The following VPS39 variants were observed in gnomAD, a reference collection of about 807,000 sequenced individuals.
VPS39 encodes the protein VPS39 subunit of HOPS complex.
A neutral mutation model predicts 121.0 loss-of-function variants in VPS39; 70 were observed. That is an observed-to-expected ratio of 0.58 (90% CI 0.48 to 0.71). The LOEUF (loss-of-function observed/expected upper bound fraction) is 0.71. Ranked by LOEUF, VPS39 falls within the 30% of genes least tolerant of loss-of-function variation. The pLI, the probability that VPS39 is intolerant of heterozygous loss-of-function variation, is 0.00. For synonymous variants in VPS39, 378 were observed against 398.1 expected (o/e 0.95, Z 0.60); for missense variants, 818 against 1,051.5 (o/e 0.78, Z 3.07).
intron 2 of VPS39, among the ~76,000 whole-genome samples, chr15:42,195,897 G>A (rs375973002): frequency 7.2e-5 from 11 of 152,126 alleles, no homozygotes; most frequent in South Asian, 2.1e-4. Context: ...AGCTGGAGGC[G>A]TCACGCTGCC....
At chr15:42,165,578 T>C (rs1490876591) in intron 17 of VPS39, 140 bp downstream of exon 17, 1 of 649,440 alleles carries the variant, frequency 1.5e-6, no homozygotes, top group African/African-American at 1.8e-5. Context: ...GATCTTTTTC[T>C]TCAGAGGAAG....
intron 11 of VPS39, among the ~76,000 whole-genome samples, chr15:42,172,179 AGAGT>A (rs2049359772): frequency 6.6e-6 from 1 of 152,228 alleles, no homozygotes; most frequent in African/African-American, 2.4e-5. Flanking sequence ...GAATATAGGA[AGAGT>A]GAGAGTCACA....
chr15:42,206,368 A>G (rs904425926), intron 1 of VPS39, among the ~76,000 whole-genome samples: 4 of 152,222 alleles, frequency 2.6e-5, no homozygotes, highest in Admixed American at 2.6e-4. Flanking sequence ...GGCCTCTTGT[A>G]ACCTAATATG....
intron 24 of VPS39, chr15:42,161,440 G>A: frequency 1.7e-6 from 1 of 601,166 alleles, no homozygotes; most frequent in Non-Finnish European, 3.0e-6. Context: ...AAGAGGGGAA[G>A]AGTTTTATGG....
chr15:42,165,171 C>CA, intron 17 of VPS39, 58 bp from the exon 18 acceptor site: 1 of 1,529,440 alleles, frequency 6.5e-7, no homozygotes, highest in Non-Finnish European at 9.1e-7. Flanking sequence ...CCTGGTCTCC[C>CA]AGCCTCCCTC....
intron 1 of VPS39, among the ~76,000 whole-genome samples, chr15:42,202,767 C>T (rs913147582): frequency 6.6e-6 from 1 of 152,140 alleles, no homozygotes; most frequent in Non-Finnish European, 1.5e-5. Flanking sequence ...CTCATGACAG[C>T]CTCCTCCTAT....
Position 42,191,981 on chromosome 15 carries a change from TCTAA to T in VPS39, c.140-425_140-422del, listed in dbSNP as rs538937845. The T allele has an allele frequency of 2.6e-4, 379 of 1,467,726 alleles. No individual in the cohort carries two copies. The African/African-American group carries it at 4.0e-3, about 16-fold the overall frequency. The allele number at this position is 1,467,726 out of a possible 1,614,324, so 90.9% of individuals were successfully genotyped here. ...AGACCAACTAATTTCCAGCAACTAT[TCTAA>T]CTAAGTTCTGTATCACGGAGACAGA... On this transcript the variant is annotated intron_variant, in intron 2 of 24. Coordinates refer to ENST00000318006, the MANE Select transcript of VPS39 (RefSeq NM_015289.5).
Position 42,163,669 on chromosome 15 carries a change from A to G in VPS39, c.2086T>C (p.Phe696Leu), listed in dbSNP as rs1771712736. Reference sequence around the variant, plus strand: ...TCCTTCAAGATGTGGACATAAATGAAAAGAGCTTGTTCATGTTTCCCCATG... The same window carrying G: ...TCCTTCAAGATGTGGACATAAATGAGAAGAGCTTGTTCATGTTTCCCCATG... ...GRMGKHEQALFIYVHILKDTR... is the reference protein window; with the variant it reads ...GRMGKHEQALLIYVHILKDTR... Residue 696 changes from phenylalanine to leucine, a missense_variant, in exon 20 of 25, where the codon TTC becomes CTC. Coordinates refer to ENST00000318006, the MANE Select transcript of VPS39 (RefSeq NM_015289.5). The G allele has an allele frequency of 5.0e-6, 8 of 1,614,060 alleles. No individual in the cohort carries two copies. In the African/African-American group the frequency reaches 5.3e-5, roughly 11 times the overall value.
At chr15:42,193,282 T>A (rs1223574066) in intron 2 of VPS39, among the ~76,000 whole-genome samples, 1 of 152,234 alleles carries the variant, frequency 6.6e-6, no homozygotes, top group African/African-American at 2.4e-5. Context: ...ACCCCATAAG[T>A]AAGAACCCAC....
intron 12 of VPS39, 30 bp from the exon 13 acceptor site, chr15:42,167,567 C>T (rs781518407): frequency 1.2e-6 from 2 of 1,611,262 alleles, no homozygotes; most frequent in Non-Finnish European, 1.7e-6. Flanking sequence ...GGGTTAAGGC[C>T]AGGACTAAGT....
At chr15:42,162,230 T>A in intron 22 of VPS39, 64 bp from the exon 23 acceptor site, 1 of 1,609,004 alleles carries the variant, frequency 6.2e-7, no homozygotes, top group Non-Finnish European at 8.5e-7. Flanking sequence ...AAGAAATGTC[T>A]GCAGCCGTGG....
Position 42,162,484 on chromosome 15 carries a change from G to A in VPS39, c.2176-3C>T, listed in dbSNP as rs778516729. 1.9e-6 allele frequency: 3 copies of A among 1,591,064 alleles called. No homozygotes were observed. The highest frequency in any genetic ancestry group is 2.6e-6 in the Non-Finnish European group (3 of 1,164,548). ...ATCCGAAGCAGGGACAGATACACCT[G>A]TCTCAGAGAGACATGAGCTACGTCA... On this transcript the variant is annotated splice_polypyrimidine_tract_variant and splice_region_variant and intron_variant, in intron 21 of 24. Transcript: ENST00000318006.
rs2049965320 is a variant in VPS39 at position 42,197,406 on chromosome 15, G to T, written c.139+2490C>A. Among the ~76,000 whole-genome samples, 3 of 151,778 alleles carry T rather than the reference G, an allele frequency of 2.0e-5. No homozygotes were observed. The South Asian group carries it at 6.3e-4, about 32-fold the overall frequency. On this transcript the variant is annotated intron_variant, in intron 2 of 24. Transcript: ENST00000318006. ...CTAAAAAAAAAAAGATACAAAAATG[G>T]GTTGGGCATAGTGGTGTGTGCCTGT... is the stretch of plus-strand genomic sequence containing the variant.
rs1449266621 is a variant in VPS39 at position 42,191,482 on chromosome 15, C to T, written c.204+14G>A. 2 of 1,612,516 alleles carry T rather than the reference C, an allele frequency of 1.2e-6. No homozygotes were observed. The highest frequency in any genetic ancestry group is 1.7e-6 in the Non-Finnish European group (2 of 1,178,914). On this transcript the variant is annotated intron_variant, in intron 3 of 24. Coordinates refer to ENST00000318006, the MANE Select transcript of VPS39 (RefSeq NM_015289.5). The stretch of plus-strand genomic sequence containing the variant: ...AAGTCAAATATTCTTGTAAGGACTG[C>T]CATCACTGCTTACCTGCTGAATCTT...
chr15:42,193,896 A>G (rs1013182510), intron 2 of VPS39, among the ~76,000 whole-genome samples: 1 of 151,958 alleles, frequency 6.6e-6, no homozygotes, highest in Admixed American at 6.6e-5. Flanking sequence ...GTCTGAAAAA[A>G]CCACAACCTG....
chr15:42,160,896 C>T, intron 24 of VPS39, 67 bp from the exon 25 acceptor site: 1 of 1,533,972 alleles, frequency 6.5e-7, no homozygotes, highest in Non-Finnish European at 9.0e-7. Flanking sequence ...GGCAGCGGCA[C>T]CTCCTACAGA....
rs182436040 is a variant in VPS39 at position 42,162,643 on chromosome 15, G to A, written c.2176-162C>T. ...CCTTGTAAATTGGTAAGGTCAAACA[G>A]GCAACTGAAGATGTTAATTAAGGAT... is the stretch of plus-strand genomic sequence containing the variant. On this transcript the variant is annotated intron_variant, in intron 21 of 24. Transcript: ENST00000318006. The A allele has an allele frequency of 9.0e-5, 67 of 747,270 alleles. No homozygotes were observed. The African/African-American group carries it at 9.4e-4, about 11-fold the overall frequency. 46.3% of individuals were successfully genotyped at this position (747,270 alleles called of 1,614,324 possible).
intron 16 of VPS39, 61 bp downstream of exon 16, chr15:42,166,098 T>C: frequency 6.7e-7 from 1 of 1,497,016 alleles, no homozygotes; most frequent in Non-Finnish European, 9.3e-7. Context: ...TCCACTGCTG[T>C]CTCAAGTGCA....
chr15:42,191,102 A>T (rs2049819977), intron 4 of VPS39, 23 bp downstream of exon 4: 1 of 1,612,702 alleles, frequency 6.2e-7, no homozygotes, highest in South Asian at 1.1e-5. Context: ...GACACAGGAT[A>T]CAAATGCAAC....
Sources: gnomAD v4.1 joint callset for allele counts (sites outside exome capture counted in the v4.1 genomes callset) on GRCh38, gnomAD v4.1.1 for gene constraint, MANE v1.5 for transcripts, NCBI Gene and HGNC (gene_info 2026-07-23, HGNC 2026-07-21) for gene names.